RABGAP1L: variants seen among roughly 807,000 people sequenced by gnomAD.
The protein encoded by RABGAP1L is rab GTPase-activating protein 1-like.
In RABGAP1L, 63 loss-of-function variants were observed where a neutral mutation model predicts 137.7. That is an observed-to-expected ratio of 0.46 (90% CI 0.37 to 0.56). The LOEUF is 0.56. Ranked by LOEUF, RABGAP1L falls within the 20% of genes least tolerant of loss-of-function variation. RABGAP1L has a pLI of 0.00. For synonymous variants in RABGAP1L, 431 were observed against 433.7 expected (o/e 0.99, Z 0.08); for missense variants, 1,095 against 1,244.0 (o/e 0.88, Z 1.80).
chr1:174,773,590 G>T (rs551678650), intron 18 of RABGAP1L, among the ~76,000 whole-genome samples: 12 of 152,306 alleles, frequency 7.9e-5, no homozygotes, highest in African/African-American at 2.6e-4. Flanking sequence ...ATTTAAAAAT[G>T]TCCTTGGTTG....
intron 19 of RABGAP1L, among the ~76,000 whole-genome samples, chr1:174,939,858 A>G (rs1331798072): frequency 6.6e-6 from 1 of 152,236 alleles, no homozygotes; most frequent in South Asian, 2.1e-4. Flanking sequence ...ATGTATGGGC[A>G]TAGTCTTTAT....
intron 13 of RABGAP1L, among the ~76,000 whole-genome samples, chr1:174,583,428 C>T (rs563990694): frequency 2.6e-5 from 4 of 151,972 alleles, no homozygotes. Flanking sequence ...CTTTTTTTAC[C>T]CTCCCCATAC....
chr1:174,744,430 G>T (rs556549227), intron 17 of RABGAP1L, among the ~76,000 whole-genome samples: 6 of 152,180 alleles, frequency 3.9e-5, no homozygotes, highest in Non-Finnish European at 1.5e-5. Flanking sequence ...ATAGCAGCAA[G>T]AAATTTATCA....
intron 13 of RABGAP1L, among the ~76,000 whole-genome samples, chr1:174,565,507 CT>C (rs1167473476): frequency 6.6e-6 from 1 of 152,074 alleles, no homozygotes; most frequent in East Asian, 1.9e-4. Context: ...TTTATGACCC[CT>C]GTCTGTAGCT....
chr1:174,756,626 G>A (rs1684787529), intron 18 of RABGAP1L, among the ~76,000 whole-genome samples: 1 of 152,118 alleles, frequency 6.6e-6, no homozygotes. Flanking sequence ...GCTGGTGACT[G>A]TCCCCAGGGA....
chr1:174,346,404 G>A (rs977838307), intron 11 of RABGAP1L, among the ~76,000 whole-genome samples: 8 of 152,028 alleles, frequency 5.3e-5, no homozygotes, highest in Admixed American at 2.0e-4. Context: ...TTTTAATTAC[G>A]ACTTTGATCT....
chr1:174,501,248 C>G (rs957844270), intron 13 of RABGAP1L, among the ~76,000 whole-genome samples: 16 of 149,142 alleles, frequency 1.1e-4, no homozygotes, highest in African/African-American at 3.7e-4. Flanking sequence ...GAGTCTCACT[C>G]TATCGCCCAG....
intron 19 of RABGAP1L, among the ~76,000 whole-genome samples, chr1:174,843,792 G>A (rs904172780): frequency 5.5e-4 from 69 of 124,428 alleles, no homozygotes; most frequent in Middle Eastern, 3.9e-3. Flanking sequence ...AGATCCCTGA[G>A]GAATCGCCAC....
At chr1:174,318,676 C>G (rs906511678) in intron 11 of RABGAP1L, among the ~76,000 whole-genome samples, 1 of 138,070 alleles carries the variant, frequency 7.2e-6, no homozygotes, top group Non-Finnish European at 1.6e-5. Flanking sequence ...GTCTTACTCT[C>G]TTTTAATCTT....
chr1:174,175,728 C>T (rs150272322), intron 1 of RABGAP1L, among the ~76,000 whole-genome samples: 9 of 150,972 alleles, frequency 6.0e-5, no homozygotes, highest in East Asian at 2.0e-4. Context: ...CAGGATCAAG[C>T]GATTCTCCTG....
At chr1:174,617,596 A>C (rs1318506759) in intron 13 of RABGAP1L, among the ~76,000 whole-genome samples, 1 of 152,244 alleles carries the variant, frequency 6.6e-6, no homozygotes, top group Admixed American at 6.5e-5. Context: ...GTTAATGGAA[A>C]TGTGCTGTTA....
At chr1:174,208,727 C>T (rs1668669146) in intron 1 of RABGAP1L, among the ~76,000 whole-genome samples, 1 of 151,916 alleles carries the variant, frequency 6.6e-6, no homozygotes. Flanking sequence ...TTTCATTTTT[C>T]TTGTTATCTG....
At chr1:174,252,791 G>A (rs574768381) in intron 7 of RABGAP1L, among the ~76,000 whole-genome samples, 28 of 152,256 alleles carry the variant, frequency 1.8e-4, no homozygotes, top group Admixed American at 2.0e-4. Flanking sequence ...AACATGAAAT[G>A]GTTTTAGTTT....
intron 13 of RABGAP1L, chr1:174,547,845 G>T: frequency 6.5e-7 from 1 of 1,528,628 alleles, no homozygotes; most frequent in Non-Finnish European, 8.9e-7. Context: ...AGCAACAGAT[G>T]AAATTTAGTC....
At chr1:174,393,400 A>G (rs1312496019) in intron 12 of RABGAP1L, among the ~76,000 whole-genome samples, 2 of 152,192 alleles carry the variant, frequency 1.3e-5, no homozygotes, top group African/African-American at 4.8e-5. Context: ...TAGGTCATCA[A>G]GAGATAGGGC....
chr1:174,353,724 A>G (rs181203726), intron 11 of RABGAP1L, among the ~76,000 whole-genome samples: 4 of 152,290 alleles, frequency 2.6e-5, no homozygotes, highest in Non-Finnish European at 4.4e-5. Context: ...AAAGTTTCAC[A>G]GTCACTGTGC....
At chr1:174,460,312 A>T (rs1384523497) in intron 13 of RABGAP1L, among the ~76,000 whole-genome samples, 1 of 151,992 alleles carries the variant, frequency 6.6e-6, no homozygotes, top group African/African-American at 2.4e-5. Flanking sequence ...AAATTTAGGA[A>T]ATGTTTAAAA....
chr1:174,664,500 A>T (rs1325091879), intron 14 of RABGAP1L, among the ~76,000 whole-genome samples: 1 of 152,120 alleles, frequency 6.6e-6, no homozygotes, highest in Non-Finnish European at 1.5e-5. Context: ...ATTTTAACTA[A>T]TTTTTTAAAT....
intron 19 of RABGAP1L, among the ~76,000 whole-genome samples, chr1:174,862,313 T>G (rs573912725): frequency 1.3e-5 from 2 of 152,110 alleles, no homozygotes; most frequent in Non-Finnish European, 2.9e-5. Flanking sequence ...CAAAATTTTT[T>G]TAAGCACAAA....
Sources: gnomAD v4.1 joint callset for allele counts (sites outside exome capture counted in the v4.1 genomes callset) on GRCh38, gnomAD v4.1.1 for gene constraint, MANE v1.5 for transcripts, NCBI Gene and HGNC (gene_info 2026-07-23, HGNC 2026-07-21) for gene names.